The following SDK1 variants were observed in gnomAD, a reference collection of about 807,000 sequenced individuals.
SDK1 encodes the protein protein sidekick-1.
In SDK1, 157 loss-of-function variants were observed where a neutral mutation model predicts 245.5. The observed-to-expected ratio is 0.64, with a 90% CI of 0.56 to 0.73. The LOEUF (loss-of-function observed/expected upper bound fraction) is 0.73. SDK1 is among the 30% of genes least tolerant of loss of function. SDK1 has a pLI of 0.00. For synonymous variants in SDK1, 1,647 were observed against 1,278.5 expected, an observed-to-expected ratio of 1.29 and a Z score of -6.15; for missense variants, 3,583 against 3,002.3, an observed-to-expected ratio of 1.19 and a Z score of -4.52.
At chr7:3,741,023 C>T (rs10248562) in intron 4 of SDK1, among the ~76,000 whole-genome samples, 1 of 152,130 alleles carries the variant, frequency 6.6e-6, no homozygotes, top group Admixed American at 6.5e-5. Context: ...TGTGATTAAT[C>T]TACCTGTTGC....
intron 1 of SDK1, among the ~76,000 whole-genome samples, chr7:3,360,413 CA>C (rs1201456664): frequency 1.3e-5 from 2 of 152,134 alleles, no homozygotes; most frequent in Non-Finnish European, 2.9e-5. Flanking sequence ...CATCATTATG[CA>C]AATGTAGCTC....
intron 5 of SDK1, among the ~76,000 whole-genome samples, chr7:3,908,076 T>G (rs767162082): frequency 6.6e-6 from 1 of 152,204 alleles, no homozygotes; most frequent in Non-Finnish European, 1.5e-5. Context: ...GCTTTCATTA[T>G]TTAACAAACA....
chr7:3,594,908 G>A (rs1781003168), intron 1 of SDK1, among the ~76,000 whole-genome samples: 3 of 152,144 alleles, frequency 2.0e-5, no homozygotes, highest in Admixed American at 2.0e-4. Context: ...TCTAGGTAAA[G>A]CTAAATCATC....
intron 1 of SDK1, among the ~76,000 whole-genome samples, chr7:3,526,762 C>T (rs1156641648): frequency 1.3e-5 from 2 of 152,084 alleles, no homozygotes; most frequent in Non-Finnish European, 2.9e-5. Context: ...TGCGAAGAGC[C>T]ATGGATGGTC....
At chr7:3,456,648 A>T (rs1477437832) in intron 1 of SDK1, among the ~76,000 whole-genome samples, 1 of 151,736 alleles carries the variant, frequency 6.6e-6, no homozygotes, top group Non-Finnish European at 1.5e-5. Context: ...TATTTTTGTG[A>T]TGGCTGCTTT....
At chr7:4,035,150 T>C (rs1273605363) in intron 17 of SDK1, among the ~76,000 whole-genome samples, 1 of 151,934 alleles carries the variant, frequency 6.6e-6, no homozygotes, top group Non-Finnish European at 1.5e-5. Context: ...AGCTATTTTT[T>C]TTTTTCTTAT....
rs1394802992 is a variant in SDK1 at position 3,782,758 on chromosome 7, TAAAATTC to T, written c.714-38685_714-38679del. ...GCATATTAGTAGTTGAGAAAAATAT[TAAAATTC>T]AAAATTTGAATTTAATATGTATTGC... is the stretch of plus-strand genomic sequence containing the variant. On this transcript the variant is annotated intron_variant, in intron 4 of 44. Coordinates refer to ENST00000404826, the MANE Select transcript of SDK1 (RefSeq NM_152744.4). Among the ~76,000 whole-genome samples the T allele has an allele frequency of 2.7e-4, 41 of 152,344 alleles. No individual in the cohort carries two copies. The South Asian group carries it at 8.3e-3, about 31-fold the overall frequency.
At chr7:3,380,428 T>A (rs80325077) in intron 1 of SDK1, among the ~76,000 whole-genome samples, 3,480 of 152,346 alleles carry the variant, frequency 0.023, 148 homozygotes, top group African/African-American at 0.079. Context: ...ACAGAAAAGC[T>A]ATCATTTTGA....
intron 4 of SDK1, among the ~76,000 whole-genome samples, chr7:3,742,374 G>A (rs974923575): frequency 1.3e-5 from 2 of 152,048 alleles, no homozygotes; most frequent in Admixed American, 1.3e-4. Context: ...CCTTGTGAAC[G>A]TGTTCCTCCC....
At chr7:4,228,604 A>G (rs1256860656) in intron 40 of SDK1, among the ~76,000 whole-genome samples, 11 of 152,142 alleles carry the variant, frequency 7.2e-5, no homozygotes, top group East Asian at 1.9e-4. Flanking sequence ...CAGTGGTGCA[A>G]TCTCGGCTCA....
intron 5 of SDK1, among the ~76,000 whole-genome samples, chr7:3,896,705 G>A (rs1048111925): frequency 6.6e-6 from 1 of 152,138 alleles, no homozygotes; most frequent in Non-Finnish European, 1.5e-5. Flanking sequence ...AGAAATCGCT[G>A]CTTCACATAT....
intron 5 of SDK1, among the ~76,000 whole-genome samples, chr7:3,911,493 C>T (rs193158735): frequency 9.1e-4 from 139 of 152,222 alleles, no homozygotes; most frequent in Non-Finnish European, 1.3e-3. Flanking sequence ...AAAGGGCAGA[C>T]GGGCTTCCTC....
chr7:4,215,835 C>G (rs1584465220), intron 38 of SDK1, among the ~76,000 whole-genome samples: 1 of 152,182 alleles, frequency 6.6e-6, no homozygotes, highest in South Asian at 2.1e-4. Context: ...GGCACTCCCA[C>G]TCATCCCCCC....
At position 3,336,609 on chromosome 7, in the gene SDK1, C is replaced by T. The variant is rs1055267634; in HGVS notation, c.298+34725C>T. ...AGCATGCTGGCACTCCCCACCTCCCCGCCCCTCCTTTGGTATAAATAGGGC... is the reference window on the plus strand; with the variant it reads ...AGCATGCTGGCACTCCCCACCTCCCTGCCCCTCCTTTGGTATAAATAGGGC... On this transcript the variant is annotated intron_variant, in intron 1 of 44. Coordinates refer to ENST00000404826, the MANE Select transcript of SDK1 (RefSeq NM_152744.4). Among the ~76,000 whole-genome samples the T allele has an allele frequency of 3.9e-5, 6 of 152,112 alleles. No homozygotes were observed. The South Asian group carries it at 6.2e-4, about 16-fold the overall frequency.
chr7:3,372,085 C>T (rs993524692), intron 1 of SDK1, among the ~76,000 whole-genome samples: 1 of 152,200 alleles, frequency 6.6e-6, no homozygotes, highest in Non-Finnish European at 1.5e-5. Context: ...TGTAAAACAA[C>T]AGCATTTATG....
At chr7:4,104,949 C>T (rs1053351488) in intron 22 of SDK1, among the ~76,000 whole-genome samples, 1 of 151,946 alleles carries the variant, frequency 6.6e-6, no homozygotes, top group East Asian at 1.9e-4. Flanking sequence ...TCAAGAGATC[C>T]TCCTGCCATG....
intron 44 of SDK1, among the ~76,000 whole-genome samples, chr7:4,246,150 C>T (rs527847780): frequency 8.5e-5 from 13 of 152,238 alleles, no homozygotes; most frequent in African/African-American, 2.4e-4. Context: ...TTGATGGAAG[C>T]GCAGGTTCCG....
intron 5 of SDK1, among the ~76,000 whole-genome samples, chr7:3,949,560 C>A (rs774941800): frequency 4.6e-5 from 7 of 152,198 alleles, no homozygotes; most frequent in African/African-American, 1.2e-4. Flanking sequence ...AAGCGTTTTG[C>A]GTTTGCAGTC....
intron 1 of SDK1, among the ~76,000 whole-genome samples, chr7:3,461,110 G>C (rs571523008): frequency 6.6e-6 from 1 of 152,164 alleles, no homozygotes; most frequent in Admixed American, 6.5e-5. Flanking sequence ...GATGGTTGAT[G>C]TGTTGTACAA....
Sources: gnomAD v4.1 joint callset for allele counts (sites outside exome capture counted in the v4.1 genomes callset) on GRCh38, gnomAD v4.1.1 for gene constraint, MANE v1.5 for transcripts, NCBI Gene and HGNC (gene_info 2026-07-23, HGNC 2026-07-21) for gene names.